ADARB2: variants seen among roughly 807,000 people sequenced by gnomAD.
The protein encoded by ADARB2 is inactive double-stranded RNA-specific editase B2.
ADARB2 carries 25 observed loss-of-function variants against 62.2 expected under a neutral mutation model. The ratio of observed to expected loss-of-function variants is 0.40; its 90% CI spans 0.29 to 0.56. The LOEUF (loss-of-function observed/expected upper bound fraction) is 0.56. ADARB2 is among the 20% of genes least tolerant of loss of function. The pLI is 0.43. For synonymous variants in ADARB2, 572 were observed against 500.8 expected, an observed-to-expected ratio of 1.14 and a Z score of -1.90; for missense variants, 1,071 against 1,077.4, an observed-to-expected ratio of 0.99 and a Z score of 0.08.
chr10:1,423,850 C>A (rs1315126319), intron 1 of ADARB2, among the ~76,000 whole-genome samples: 2 of 150,932 alleles, frequency 1.3e-5, no homozygotes, highest in African/African-American at 2.4e-5. Context: ...GCAGCAGGAC[C>A]ACTATGTATG....
At chr10:1,411,696 G>A (rs918598670) in intron 1 of ADARB2, among the ~76,000 whole-genome samples, 2 of 152,070 alleles carry the variant, frequency 1.3e-5, no homozygotes, top group Non-Finnish European at 2.9e-5. Context: ...TGTGAGCTCC[G>A]CCGGCAAGAA....
intron 1 of ADARB2, among the ~76,000 whole-genome samples, chr10:1,601,960 A>G (rs1269871808): frequency 1.3e-5 from 2 of 151,924 alleles, no homozygotes; most frequent in Non-Finnish European, 2.9e-5. Context: ...CGTTCTTAGT[A>G]GAGTCAGCCA....
Position 1,183,224 on chromosome 10 carries a change from G to C in ADARB2, c.2189C>G (p.Pro730Arg). 2 of 1,613,644 alleles carry C rather than the reference G, an allele frequency of 1.2e-6. No individual in the cohort carries two copies. The change falls in exon 10 of 10, where the codon CCG becomes CGG. Residue 730 changes from proline to arginine, a missense_variant. By Grantham distance (103) the Pro-to-Arg change is moderately radical (BLOSUM62 -2). Coordinates refer to ENST00000381312, the MANE Select transcript of ADARB2 (RefSeq NM_018702.4). Reference sequence around the variant, plus strand: ...AGTCAGTAGAAACTGCTGCTGCTCCGGTGGTTTCCTCACCCAGGTGCCCAG... The same window carrying C: ...AGTCAGTAGAAACTGCTGCTGCTCCCGTGGTTTCCTCACCCAGGTGCCCAG... ...AGLGTWVRKP[P>R]EQQQFLLTL is the part of the protein sequence containing the mutation.
intron 3 of ADARB2, among the ~76,000 whole-genome samples, chr10:1,315,550 G>A (rs560448137): frequency 6.6e-6 from 1 of 152,344 alleles, no homozygotes; most frequent in South Asian, 2.1e-4. Context: ...CAAAGGAAAT[G>A]TCATATTTGT....
At chr10:1,274,142 C>T (rs1442796619) in intron 3 of ADARB2, among the ~76,000 whole-genome samples, 1 of 152,248 alleles carries the variant, frequency 6.6e-6, no homozygotes, top group African/African-American at 2.4e-5. Context: ...GACTGCTCTC[C>T]CGCCGGTCCG....
intron 1 of ADARB2, among the ~76,000 whole-genome samples, chr10:1,444,725 CATCT>C (rs1255288710): frequency 3.3e-5 from 5 of 150,590 alleles, no homozygotes; most frequent in African/African-American, 4.9e-5. Context: ...CCCACTCATC[CATCT>C]ATCTATCCAT....
At position 1,564,249 on chromosome 10, in the gene ADARB2, A is replaced by C. The variant is rs1832827858; in HGVS notation, c.100+172802T>G. Among the ~76,000 whole-genome samples, 4 of 152,360 alleles carry C rather than the reference A, an allele frequency of 2.6e-5. No homozygotes were observed. The South Asian group carries it at 8.3e-4, about 32-fold the overall frequency. ...TGAACTAGCTTACAGTCCCACCAAC[A>C]GTGTAAAAGTGTTCCTATTTCTCCA... On this transcript the variant is annotated intron_variant, in intron 1 of 9. Transcript: ENST00000381312.
chr10:1,540,194 CAT>C (rs1832397941), intron 1 of ADARB2, among the ~76,000 whole-genome samples: 1 of 151,850 alleles, frequency 6.6e-6, no homozygotes, highest in Admixed American at 6.6e-5. Flanking sequence ...TTGGCTGACA[CAT>C]GTGTTTTGGT....
rs529361930 is a variant in ADARB2 at position 1,410,659 on chromosome 10, C to T, written c.101-31499G>A. 4.6e-5 allele frequency among the ~76,000 whole-genome samples: 7 copies of T among 152,296 alleles called. No homozygotes were observed. In the South Asian group the frequency reaches 1.4e-3, roughly 32 times the overall value. ...AGCATCTGCTCCAACTGCCTCTCCT[C>T]GGTGTCTGCCACAGCGGCTGCGGTG... On this transcript the variant is annotated intron_variant, in intron 1 of 9. Coordinates refer to ENST00000381312, the MANE Select transcript of ADARB2 (RefSeq NM_018702.4).
chr10:1,664,661 A>G (rs939534333), intron 1 of ADARB2, among the ~76,000 whole-genome samples: 2 of 152,152 alleles, frequency 1.3e-5, no homozygotes, highest in Non-Finnish European at 2.9e-5. Context: ...GGAGTGCACT[A>G]GCCTCCCTCA....
chr10:1,509,780 C>T (rs1002779892), intron 1 of ADARB2, among the ~76,000 whole-genome samples: 8 of 152,062 alleles, frequency 5.3e-5, no homozygotes, highest in Non-Finnish European at 8.8e-5. Context: ...GTAACAGCTG[C>T]GAAATGGAAA....
At chr10:1,197,646 C>G (rs1292868589) in intron 8 of ADARB2, among the ~76,000 whole-genome samples, 3 of 152,252 alleles carry the variant, frequency 2.0e-5, no homozygotes, top group Non-Finnish European at 4.4e-5. Context: ...CTGGGTCCAT[C>G]TCTCAGATTT....
At chr10:1,269,449 C>T (rs370504737) in intron 4 of ADARB2, among the ~76,000 whole-genome samples, 57 of 152,354 alleles carry the variant, frequency 3.7e-4, no homozygotes, top group African/African-American at 1.3e-3. Flanking sequence ...AATTAACTAA[C>T]ACTTACATGG....
At chr10:1,567,265 A>G (rs1360693850) in intron 1 of ADARB2, among the ~76,000 whole-genome samples, 1 of 151,904 alleles carries the variant, frequency 6.6e-6, no homozygotes, top group Non-Finnish European at 1.5e-5. Flanking sequence ...CTGCCCGTCC[A>G]CTTCAAATCC....
chr10:1,441,216 G>T (rs1255759333), intron 1 of ADARB2, among the ~76,000 whole-genome samples: 2 of 151,996 alleles, frequency 1.3e-5, no homozygotes, highest in South Asian at 2.1e-4. Flanking sequence ...TAGATTCCTT[G>T]GGAAAAAAAT....
At chr10:1,245,507 G>T (rs1485277084) in intron 4 of ADARB2, among the ~76,000 whole-genome samples, 358 of 117,168 alleles carry the variant, frequency 3.1e-3, no homozygotes, top group Admixed American at 6.2e-3. Flanking sequence ...CCCACAACAG[G>T]CCCCGGTGTG....
Position 1,614,677 on chromosome 10 carries a change from C to T in ADARB2, c.100+122374G>A, listed in dbSNP as rs550159729. ...CTGTCATCCCAGCACTTTGGGAGGC[C>T]GAGGCGGGCGGATCACGAGTTCAGG... On this transcript the variant is annotated intron_variant, in intron 1 of 9. Transcript: ENST00000381312. 1.9e-3 allele frequency among the ~76,000 whole-genome samples: 286 copies of T among 152,192 alleles called. 2 individuals carry two copies. The highest frequency in any genetic ancestry group is 6.4e-3 in the African/African-American group (265 of 41,532).
intron 3 of ADARB2, among the ~76,000 whole-genome samples, chr10:1,351,703 A>G (rs1564265831): frequency 6.6e-6 from 1 of 151,832 alleles, no homozygotes; most frequent in Non-Finnish European, 1.5e-5. Flanking sequence ...AATCACCGTT[A>G]CCCCACTCAA....
chr10:1,510,096 T>TTTTCTTTCTCTCTTTC (rs1831906736), intron 1 of ADARB2, among the ~76,000 whole-genome samples: 1 of 124,760 alleles, frequency 8.0e-6, no homozygotes, highest in East Asian at 2.4e-4. Context: ...TCTCTCTCTC[T>TTTTCTTTCTCTCTTTC]TTTCTTTCTT....
Sources: allele counts gnomAD v4.1 joint callset (sites outside exome capture counted in the v4.1 genomes callset), GRCh38; gene constraint gnomAD v4.1.1; transcripts MANE v1.5; gene names NCBI Gene and HGNC (gene_info 2026-07-23, HGNC 2026-07-21).